The following KCNH7 variants were observed in gnomAD, a reference collection of about 807,000 sequenced individuals.
KCNH7 encodes voltage-gated inwardly rectifying potassium channel KCNH7.
Under a neutral mutation model 120.8 loss-of-function variants are expected in KCNH7, and 49 were observed. The ratio of observed to expected loss-of-function variants is 0.41; its 90% CI spans 0.32 to 0.51. KCNH7 has a LOEUF of 0.51. Ranked by LOEUF, KCNH7 falls within the 20% of genes least tolerant of loss-of-function variation. The pLI is 0.38. For missense variants in KCNH7, 1,097 were observed against 1,446.6 expected, an observed-to-expected ratio of 0.76 and a Z score of 3.92; for synonymous variants, 547 against 516.1, an observed-to-expected ratio of 1.06 and a Z score of -0.81.
intron 2 of KCNH7, among the ~76,000 whole-genome samples, chr2:162,734,098 A>G (rs149744204): frequency 3.2e-4 from 49 of 152,066 alleles, no homozygotes; most frequent in African/African-American, 1.1e-3. Flanking sequence ...TTTTTTCTAA[A>G]CTCATTCCAT....
chr2:162,659,493 C>A (rs538615365), intron 2 of KCNH7, among the ~76,000 whole-genome samples: 35 of 152,158 alleles, frequency 2.3e-4, no homozygotes, highest in Non-Finnish European at 4.0e-4. Context: ...AGGCATGCGC[C>A]ACCACACCTG....
intron 9 of KCNH7, among the ~76,000 whole-genome samples, chr2:162,406,870 G>T (rs1208611436): frequency 6.6e-6 from 1 of 151,848 alleles, no homozygotes; most frequent in African/African-American, 2.4e-5. Flanking sequence ...TATTCCTGTG[G>T]GTTAGCCATT....
At chr2:162,489,183 G>T (rs1297407011) in intron 6 of KCNH7, among the ~76,000 whole-genome samples, 1 of 152,006 alleles carries the variant, frequency 6.6e-6, no homozygotes, top group African/African-American at 2.4e-5. Context: ...CTCTTATTTT[G>T]TATTTATTAT....
intron 2 of KCNH7, among the ~76,000 whole-genome samples, chr2:162,562,970 A>AT (rs1190130585): frequency 3.9e-5 from 6 of 152,142 alleles, no homozygotes; most frequent in Non-Finnish European, 4.4e-5. Flanking sequence ...TAGTTCGAGG[A>AT]TGAGGGTAGG....
chr2:162,723,639 T>A (rs1376862210), intron 2 of KCNH7, among the ~76,000 whole-genome samples: 1 of 152,242 alleles, frequency 6.6e-6, no homozygotes, highest in African/African-American at 2.4e-5. Flanking sequence ...TAAATCCCAA[T>A]GTTGATCAAC....
chr2:162,513,542 G>C (rs574267886), intron 4 of KCNH7, among the ~76,000 whole-genome samples: 2 of 140,736 alleles, frequency 1.4e-5, no homozygotes, highest in Non-Finnish European at 3.0e-5. Context: ...TTCAGGACAA[G>C]GTCTGGCTAT....
intron 2 of KCNH7, among the ~76,000 whole-genome samples, chr2:162,602,486 A>C (rs190577114): frequency 9.2e-5 from 14 of 151,998 alleles, no homozygotes; most frequent in African/African-American, 3.4e-4. Flanking sequence ...TCTTTTTCTC[A>C]CTCACTGAAA....
chr2:162,399,075 C>G (rs113603077), intron 10 of KCNH7, among the ~76,000 whole-genome samples: 3 of 151,898 alleles, frequency 2.0e-5, no homozygotes, highest in African/African-American at 7.2e-5. Flanking sequence ...CATATGTGAA[C>G]ATCAAAAGCT....
chr2:162,549,918 C>T (rs1433453286), intron 2 of KCNH7, among the ~76,000 whole-genome samples: 5 of 152,110 alleles, frequency 3.3e-5, no homozygotes, highest in Non-Finnish European at 7.4e-5. Flanking sequence ...TTTCAGTTGA[C>T]AGGAAGAGAC....
At position 162,475,135 on chromosome 2, in the gene KCNH7, GA is replaced by G. The variant is rs1422793834; in HGVS notation, c.1129-28693del. ...GAACAATAGATCACTAATTTATCAAGAACTCTTACTTTATTATTATATATAC... is the reference window on the plus strand; with the variant it reads ...GAACAATAGATCACTAATTTATCAAGACTCTTACTTTATTATTATATATAC... On this transcript the variant is annotated intron_variant, in intron 6 of 15. Coordinates refer to ENST00000332142, the MANE Select transcript of KCNH7 (RefSeq NM_033272.4). Among the ~76,000 whole-genome samples, 5 of 152,282 alleles carry G rather than the reference GA, an allele frequency of 3.3e-5. 1 individual carries two copies. The East Asian group carries it at 5.8e-4, about 18-fold the overall frequency.
intron 2 of KCNH7, among the ~76,000 whole-genome samples, chr2:162,662,358 A>AAC (rs1684993711): frequency 6.6e-6 from 1 of 152,248 alleles, no homozygotes; most frequent in Admixed American, 6.5e-5. Context: ...GCATTCATTT[A>AAC]ACACACTACT....
intron 2 of KCNH7, among the ~76,000 whole-genome samples, chr2:162,560,575 A>G (rs982116492): frequency 2.0e-5 from 3 of 152,214 alleles, no homozygotes; most frequent in Non-Finnish European, 4.4e-5. Context: ...TTTTGTGTGT[A>G]AAAGGCTATG....
At chr2:162,779,449 T>A (rs1227359681) in intron 2 of KCNH7, among the ~76,000 whole-genome samples, 1 of 152,154 alleles carries the variant, frequency 6.6e-6, no homozygotes, top group African/African-American at 2.4e-5. Context: ...TCCACCTGCC[T>A]CAGCCTCCCA....
At chr2:162,414,727 G>A (rs1349972156) in intron 9 of KCNH7, among the ~76,000 whole-genome samples, 1 of 151,894 alleles carries the variant, frequency 6.6e-6, no homozygotes, top group Non-Finnish European at 1.5e-5. Context: ...GATGAGTAAA[G>A]TATAAAAATT....
rs548271148 is a variant in KCNH7, at chr2:162,687,211, G to A, written c.307+149326C>T. Among the ~76,000 whole-genome samples, 6 of 152,124 alleles carry A rather than the reference G, an allele frequency of 3.9e-5. No individual in the cohort carries two copies. In the South Asian group the frequency reaches 6.2e-4, roughly 16 times the overall value. ...ACTCCCTCACATTCACAACCTTGAC[G>A]ATTTGCGTTGCCATGTAGTCATGGA... On this transcript the variant is annotated intron_variant, in intron 2 of 15. Coordinates refer to ENST00000332142, the MANE Select transcript of KCNH7 (RefSeq NM_033272.4).
intron 6 of KCNH7, among the ~76,000 whole-genome samples, chr2:162,457,825 T>C (rs1689018857): frequency 6.6e-6 from 1 of 152,144 alleles, no homozygotes; most frequent in Non-Finnish European, 1.5e-5. Flanking sequence ...AGATAGATTA[T>C]ATAGCATCGG....
At chr2:162,436,846 G>C (rs202047176) in intron 7 of KCNH7, among the ~76,000 whole-genome samples, 1 of 152,078 alleles carries the variant, frequency 6.6e-6, no homozygotes, top group Non-Finnish European at 1.5e-5. Context: ...GTGGTGGCTT[G>C]TGCCTATAAT....
At chr2:162,557,994 T>C (rs558545524) in intron 2 of KCNH7, among the ~76,000 whole-genome samples, 107 of 152,216 alleles carry the variant, frequency 7.0e-4, no homozygotes, top group Non-Finnish European at 1.3e-3. Flanking sequence ...ATAAGTGTGG[T>C]AATGTAATAC....
At chr2:162,683,225 T>C (rs1685775312) in intron 2 of KCNH7, among the ~76,000 whole-genome samples, 1 of 151,910 alleles carries the variant, frequency 6.6e-6, no homozygotes, top group Admixed American at 6.6e-5. Context: ...TATCCCTCTT[T>C]GTGTAGCAAA....
Sources: allele counts gnomAD v4.1 joint callset (sites outside exome capture counted in the v4.1 genomes callset), GRCh38; gene constraint gnomAD v4.1.1; transcripts MANE v1.5; gene names NCBI Gene and HGNC (gene_info 2026-07-23, HGNC 2026-07-21).